MAP3K1: variants seen among roughly 807,000 people sequenced by gnomAD.
MAP3K1 encodes mitogen-activated protein kinase kinase kinase 1.
Under a neutral mutation model 144.2 loss-of-function variants are expected in MAP3K1, and 36 were observed. The observed-to-expected ratio is 0.25, with a 90% CI of 0.19 to 0.33. The LOEUF is 0.33. MAP3K1 is among the 10% of genes least tolerant of loss of function. The pLI, the probability that MAP3K1 is intolerant of heterozygous loss-of-function variation, is 1.00. For missense variants in MAP3K1, 1,650 were observed against 1,881.9 expected (o/e 0.88, Z 2.28); for synonymous variants, 718 against 688.7 (o/e 1.04, Z -0.67).
intron 1 of MAP3K1, among the ~76,000 whole-genome samples, chr5:56,844,183 GTTT>G (rs770169813): frequency 5.3e-5 from 4 of 76,090 alleles, no homozygotes; most frequent in Non-Finnish European, 9.2e-5. Context: ...GTTTTTTTTG[GTTT>G]TTTTTTTTTT....
intron 1 of MAP3K1, among the ~76,000 whole-genome samples, chr5:56,851,210 T>G (rs938522408): frequency 2.0e-5 from 3 of 152,164 alleles, no homozygotes; most frequent in Non-Finnish European, 4.4e-5. Context: ...CCTCTCAAAG[T>G]GCTGGGATTA....
chr5:56,859,889 A>C lies in MAP3K1; in HGVS notation c.808A>C (p.Arg270=). Residue 270 remains arginine (R), a synonymous_variant, in exon 3 of 20, where the codon AGG becomes CGG. Coordinates refer to ENST00000399503, the MANE Select transcript of MAP3K1 (RefSeq NM_005921.2). The stretch of plus-strand genomic sequence containing the variant: ...AGTGAAATCAGAATCTCCAGGAGTA[A>C]GGAGAAAAAGAGTTTCCCCAGTGCC... The part of the protein sequence containing the change: ...RTVKSESPGV[R]RKRVSPVPFQ... 6.2e-7 allele frequency: 1 copy of C among 1,613,268 alleles called. No individual in the cohort carries two copies. Among genetic ancestry groups the C allele is most frequent in the East Asian group, 2.2e-5 (1 of 44,830 alleles).
intron 1 of MAP3K1, chr5:56,817,189 T>C: frequency 2.9e-6 from 2 of 680,318 alleles, no homozygotes; most frequent in Non-Finnish European, 3.6e-6. Context: ...AAGGAAATTC[T>C]TTTAAGTGTG....
At chr5:56,854,917 A>T (rs940283952) in intron 1 of MAP3K1, among the ~76,000 whole-genome samples, 6 of 152,192 alleles carry the variant, frequency 3.9e-5, no homozygotes. Context: ...ACCTCTTGCA[A>T]CATTGTTACT....
intron 19 of MAP3K1, among the ~76,000 whole-genome samples, chr5:56,889,469 C>G (rs1050100101): frequency 6.6e-6 from 1 of 152,170 alleles, no homozygotes; most frequent in African/African-American, 2.4e-5. Context: ...GCCTAATTTA[C>G]TATTTTGTAT....
chr5:56,879,857 A>C (rs116349699), intron 11 of MAP3K1, among the ~76,000 whole-genome samples: 2 of 152,118 alleles, frequency 1.3e-5, no homozygotes, highest in African/African-American at 4.8e-5. Flanking sequence ...GAAGTGTTGA[A>C]TCTCCCTTCT....
At chr5:56,828,734 A>G (rs1746392356) in intron 1 of MAP3K1, among the ~76,000 whole-genome samples, 1 of 152,156 alleles carries the variant, frequency 6.6e-6, no homozygotes. Flanking sequence ...TTTTTTGACA[A>G]CTTTGCTATT....
chr5:56,845,940 G>A (rs570921543), intron 1 of MAP3K1, among the ~76,000 whole-genome samples: 1 of 152,338 alleles, frequency 6.6e-6, no homozygotes, highest in South Asian at 2.1e-4. Context: ...GATGTTCTGA[G>A]TTTCTCCCCG....
At chr5:56,867,648 T>C (rs1175943710) in intron 6 of MAP3K1, among the ~76,000 whole-genome samples, 2 of 152,228 alleles carry the variant, frequency 1.3e-5, no homozygotes, top group African/African-American at 4.8e-5. Context: ...AATTCAGTTA[T>C]TGTAAGCATG....
At chr5:56,872,783 T>C in intron 8 of MAP3K1, 42 bp from the exon 9 acceptor site, 1 of 1,610,676 alleles carries the variant, frequency 6.2e-7, no homozygotes. Flanking sequence ...GTGTGGTTTG[T>C]CTTAATTTTT....
intron 14 of MAP3K1, among the ~76,000 whole-genome samples, chr5:56,883,288 T>C (rs1212979220): frequency 2.0e-5 from 3 of 152,228 alleles, no homozygotes; most frequent in African/African-American, 7.2e-5. Context: ...TTATTACTTA[T>C]ACAACAATAA....
Position 56,875,140 on chromosome 5 carries a change from A to C in MAP3K1, c.1795A>C (p.Asn599His), listed in dbSNP as rs1386649820. 3 of 1,614,006 alleles carry C rather than the reference A, an allele frequency of 1.9e-6. No individual in the cohort carries two copies. The highest frequency in any genetic ancestry group is 2.5e-6 in the Non-Finnish European group (3 of 1,180,040). ...HDVSGALLLA[N>H]GESTGNSGGS... ...TGTCAGTGGGGCCCTGCTGTTGGCA[A>C]ATGGGGAGAGCACTGGAAATTCTGG... The change falls in exon 10 of 20, where the codon AAT becomes CAT. Residue 599 changes from asparagine to histidine, a missense_variant. Around this residue, in one of 6 missense-constraint regions of MAP3K1, gnomAD observed 841 missense variants for 886.5 expected, o/e 0.95. Transcript: ENST00000399503.
At position 56,849,083 on chromosome 5, in the gene MAP3K1, A is replaced by G. The variant is rs531219986; in HGVS notation, c.483-7517A>G. Among the ~76,000 whole-genome samples the G allele has an allele frequency of 9.2e-5, 14 of 152,354 alleles. No homozygotes were observed. The East Asian group carries it at 2.7e-3, about 29-fold the overall frequency. On this transcript the variant is annotated intron_variant, in intron 1 of 19. Transcript: ENST00000399503. ...TGATTTCAACCGGGTGCAGTGGCTC[A>G]TGCCTGTAATTCTAGCACTTTGGGA...
At chr5:56,840,039 A>G (rs1746765783) in intron 1 of MAP3K1, among the ~76,000 whole-genome samples, 1 of 152,220 alleles carries the variant, frequency 6.6e-6, no homozygotes, top group African/African-American at 2.4e-5. Flanking sequence ...CCACTTGTTT[A>G]CATCAATTGG....
intron 10 of MAP3K1, among the ~76,000 whole-genome samples, chr5:56,876,819 T>C (rs832580): frequency 0.51 from 78,303 of 152,112 alleles, 22,087 homozygotes; most frequent in Non-Finnish European, 0.65. Flanking sequence ...TATTATATAA[T>C]AGTTATCATT....
At chr5:56,868,676 G>A (rs975963656) in intron 6 of MAP3K1, among the ~76,000 whole-genome samples, 6 of 152,094 alleles carry the variant, frequency 3.9e-5, no homozygotes, top group African/African-American at 1.2e-4. Context: ...GAGCCACCGC[G>A]CCCGGCCGTA....
At chr5:56,853,688 TGAG>T (rs1747247024) in intron 1 of MAP3K1, among the ~76,000 whole-genome samples, 1 of 152,076 alleles carries the variant, frequency 6.6e-6, no homozygotes, top group South Asian at 2.1e-4. Flanking sequence ...TCTGAGGAGT[TGAG>T]GAAAATCTAG....
Position 56,882,919 on chromosome 5 carries a change from T to TG in MAP3K1, c.3666+54dup, listed in dbSNP as rs879418103. ...AAAACTTCCTTGGGGCTGGGCACAG[T>TG]GACTCATACCTGGAATTCCAGCACT... On this transcript the variant is annotated intron_variant, in intron 14 of 19. Transcript: ENST00000399503. 968 of 1,403,202 alleles carry TG rather than the reference T, an allele frequency of 6.9e-4. 5 individuals carry two copies. Among genetic ancestry groups the TG allele is most frequent in the Middle Eastern group, 5.9e-3 (33 of 5,640 alleles). 86.9% of individuals were successfully genotyped at this position (1,403,202 alleles called of 1,614,324 possible).
chr5:56,848,155 T>C (rs904992257), intron 1 of MAP3K1, among the ~76,000 whole-genome samples: 2 of 152,190 alleles, frequency 1.3e-5, no homozygotes, highest in Admixed American at 6.5e-5. Flanking sequence ...TGATACTGAC[T>C]AGTAGCTCTC....
Sources: gnomAD v4.1 joint callset for allele counts (sites outside exome capture counted in the v4.1 genomes callset) on GRCh38, gnomAD v4.1.1 for gene constraint, gnomAD v4.1.1 regional missense constraint, MANE v1.5 for transcripts, NCBI Gene and HGNC (gene_info 2026-07-23, HGNC 2026-07-21) for gene names.